Variants in GRAMD1B observed in about 807,000 individuals in gnomAD.
The protein encoded by GRAMD1B is protein Aster-B.
A neutral mutation model predicts 99.7 loss-of-function variants in GRAMD1B; 37 were observed. The ratio of observed to expected loss-of-function variants is 0.37; its 90% CI spans 0.29 to 0.49. The LOEUF (loss-of-function observed/expected upper bound fraction) is 0.49, where lower values mean the gene tolerates loss of function less well. Among genes scored for constraint, GRAMD1B ranks in the 20% least tolerant of loss-of-function variants. GRAMD1B has a pLI of 0.98. For missense variants in GRAMD1B, 888 were observed against 1,009.2 expected, an observed-to-expected ratio of 0.88 and a Z score of 1.63; for synonymous variants, 427 against 387.6, an observed-to-expected ratio of 1.10 and a Z score of -1.19.
chr11:123,474,246 T>C (rs189524373), intron 1 of GRAMD1B, among the ~76,000 whole-genome samples: 1 of 136,944 alleles, frequency 7.3e-6, no homozygotes, highest in Non-Finnish European at 1.5e-5. Flanking sequence ...CAATGTTTTC[T>C]TTTTTTTAAC....
chr11:123,413,417 G>C (rs572334003), intron 1 of GRAMD1B, among the ~76,000 whole-genome samples: 2 of 152,156 alleles, frequency 1.3e-5, no homozygotes, highest in East Asian at 3.9e-4. Flanking sequence ...AACGTGTATC[G>C]GAGAGAGAAC....
At chr11:123,462,607 T>G (rs960747745) in intron 1 of GRAMD1B, among the ~76,000 whole-genome samples, 5 of 152,270 alleles carry the variant, frequency 3.3e-5, no homozygotes, top group Non-Finnish European at 7.4e-5. Context: ...TGGAGTGTGC[T>G]TAAGGTGAAA....
intron 1 of GRAMD1B, among the ~76,000 whole-genome samples, chr11:123,373,968 C>T (rs967362870): frequency 1.3e-5 from 2 of 152,172 alleles, no homozygotes; most frequent in African/African-American, 4.8e-5. Context: ...AGTTAACAGC[C>T]ATGTAGTCAT....
rs796099515 is a variant in GRAMD1B at position 123,415,099 on chromosome 11, T to C, written c.-176+56300T>C. Among the ~76,000 whole-genome samples the C allele has an allele frequency of 6.9e-4, 78 of 113,404 alleles. 2 individuals are homozygous for C. The highest frequency in any genetic ancestry group is 2.9e-3 in the African/African-American group (65 of 22,602). The allele number at this position is 113,404 out of a possible 152,430, so 74.4% of individuals were successfully genotyped here. On this transcript the variant is annotated intron_variant, in intron 1 of 20. Coordinates refer to the GRAMD1B transcript ENST00000638157. The stretch of plus-strand genomic sequence containing the variant: ...TTTTTTCTTTTCTTTTTCTTTCTTT[T>C]TTTTTTTTTTTTTTTTTTTTTTGAG...
At chr11:123,530,049 A>G (rs1020172031) in intron 2 of GRAMD1B, among the ~76,000 whole-genome samples, 5 of 152,140 alleles carry the variant, frequency 3.3e-5, no homozygotes, top group African/African-American at 1.2e-4. Flanking sequence ...TTTCTGTGGA[A>G]AAGGGCTTAG....
At chr11:123,365,449 G>A (rs1274613617) in intron 1 of GRAMD1B, among the ~76,000 whole-genome samples, 10 of 151,902 alleles carry the variant, frequency 6.6e-5, no homozygotes, top group Non-Finnish European at 1.2e-4. Context: ...ACGGGGTTTC[G>A]CCATGTTGGC....
chr11:123,566,099 A>G (rs1205844402), intron 2 of GRAMD1B, among the ~76,000 whole-genome samples: 3 of 152,200 alleles, frequency 2.0e-5, no homozygotes, highest in Admixed American at 2.0e-4. Context: ...GTTTCACTCC[A>G]TGAGCAATTA....
In GRAMD1B at chr11:123,510,051, C is replaced by G. The variant is rs543405202; in HGVS notation, c.452+29158C>G. 2 of 152,420 alleles carry G rather than the reference C, an allele frequency of 1.3e-5. No homozygotes were observed. The highest frequency in any genetic ancestry group is 3.9e-4 in the East Asian group (2 of 5,180). 9.4% of individuals were successfully genotyped at this position (152,420 alleles called of 1,614,324 possible). A position where few individuals can be genotyped will look rare whatever the true frequency, so the allele number is the denominator to read the frequency against. ...TGTTATTGCAAGGTGAGTGGCTTCACCGGGCGAATTTCTCTCCTTTTGCAT... is the reference window on the plus strand; with the variant it reads ...TGTTATTGCAAGGTGAGTGGCTTCAGCGGGCGAATTTCTCTCCTTTTGCAT... On this transcript the variant is annotated intron_variant, in intron 2 of 19. Transcript: ENST00000635736. This position sits in a 1 kb window ranked among gnomAD's most constrained non-coding sequence, Gnocchi z 4.3.
chr11:123,395,706 T>C (rs1266433226), intron 1 of GRAMD1B, among the ~76,000 whole-genome samples: 2 of 152,204 alleles, frequency 1.3e-5, no homozygotes, highest in Non-Finnish European at 2.9e-5. Flanking sequence ...ATGAGAATCT[T>C]TGTGGGTGAG....
chr11:123,563,734 A>T (rs773860759), intron 2 of GRAMD1B, among the ~76,000 whole-genome samples: 13 of 152,188 alleles, frequency 8.5e-5, no homozygotes, highest in Non-Finnish European at 1.5e-4. Flanking sequence ...AACTCTTACT[A>T]TATTGCCCAG....
At chr11:123,501,001 G>C (rs533828024) in intron 2 of GRAMD1B, among the ~76,000 whole-genome samples, 2 of 152,024 alleles carry the variant, frequency 1.3e-5, no homozygotes, top group Non-Finnish European at 2.9e-5. Context: ...GGCATATTGC[G>C]TGCTTAACAC....
At chr11:123,420,194 G>A (rs1033044722) in intron 1 of GRAMD1B, among the ~76,000 whole-genome samples, 4 of 152,142 alleles carry the variant, frequency 2.6e-5, no homozygotes, top group Non-Finnish European at 1.5e-5. Context: ...GAACATAGTG[G>A]AGACTTAGGC....
At chr11:123,506,570 G>T (rs1940453348) in intron 2 of GRAMD1B, among the ~76,000 whole-genome samples, 1 of 152,090 alleles carries the variant, frequency 6.6e-6, no homozygotes, top group South Asian at 2.1e-4. Flanking sequence ...AATGAAATGA[G>T]CCTAAGTTGC....
chr11:123,575,987 T>C (rs532144314), intron 2 of GRAMD1B, among the ~76,000 whole-genome samples: 9 of 152,160 alleles, frequency 5.9e-5, no homozygotes, highest in Non-Finnish European at 1.0e-4. Context: ...TTTTCTCTGG[T>C]CTCCTTTTTT....
chr11:123,589,612 TTTTATATATATATA>T (rs745503651), intron 4 of GRAMD1B, among the ~76,000 whole-genome samples: 2,000 of 130,668 alleles, frequency 0.015, 102 homozygotes, highest in African/African-American at 0.047. Flanking sequence ...TGTGGCTAAT[TTTTATATATATATA>T]TATATATATA....
At chr11:123,609,275 A>C (rs542927732) in intron 12 of GRAMD1B, among the ~76,000 whole-genome samples, 1 of 152,164 alleles carries the variant, frequency 6.6e-6, no homozygotes, top group African/African-American at 2.4e-5. Context: ...CGGGCCTCAC[A>C]TCTAGGATCT....
intron 2 of GRAMD1B, among the ~76,000 whole-genome samples, chr11:123,514,544 A>C (rs1941486263): frequency 6.6e-6 from 1 of 152,194 alleles, no homozygotes; most frequent in Non-Finnish European, 1.5e-5. Flanking sequence ...TCTGTTAGAG[A>C]ATAGTGGGCC....
At chr11:123,489,142 TA>T (rs200180614) in intron 2 of GRAMD1B, among the ~76,000 whole-genome samples, 12,624 of 148,900 alleles carry the variant, frequency 0.085, 690 homozygotes, top group South Asian at 0.13. Flanking sequence ...CTAGAAGAGT[TA>T]AAAAAAAAAA....
At chr11:123,405,167 G>A (rs535169163) in intron 1 of GRAMD1B, among the ~76,000 whole-genome samples, 101 of 151,464 alleles carry the variant, frequency 6.7e-4, no homozygotes, top group African/African-American at 2.4e-3. Context: ...AAAAAGAAGG[G>A]AGAGTATGTT....
Sources: allele counts gnomAD v4.1 joint callset (sites outside exome capture counted in the v4.1 genomes callset), GRCh38; gene constraint gnomAD v4.1.1; non-coding constraint Gnocchi (gnomAD v3.1); transcripts MANE v1.5; gene names NCBI Gene and HGNC (gene_info 2026-07-23, HGNC 2026-07-21).